The following USP54 variants were observed in gnomAD, a reference collection of about 807,000 sequenced individuals.
The protein encoded by USP54 is ubiquitin specific peptidase 54.
Under a neutral mutation model 170.5 loss-of-function variants are expected in USP54, and 87 were observed. The observed-to-expected ratio is 0.51, with a 90% CI of 0.43 to 0.61. USP54 has a LOEUF of 0.61. USP54 is among the 20% of genes least tolerant of loss of function. The pLI is 0.00. For synonymous variants in USP54, 655 were observed against 742.8 expected, an observed-to-expected ratio of 0.88 and a Z score of 1.92; for missense variants, 1,786 against 2,047.8, an observed-to-expected ratio of 0.87 and a Z score of 2.47.
chr10:73,570,550 CTTTT>C (rs554652532), intron 4 of USP54, among the ~76,000 whole-genome samples: 4 of 132,254 alleles, frequency 3.0e-5, no homozygotes, highest in Non-Finnish European at 6.5e-5. Flanking sequence ...TTTCCTTTTT[CTTTT>C]TTTTTTTTTT....
At chr10:73,603,451 A>T (rs2079360388) in intron 1 of USP54, among the ~76,000 whole-genome samples, 1 of 152,232 alleles carries the variant, frequency 6.6e-6, no homozygotes, top group South Asian at 2.1e-4. Flanking sequence ...GCAGTGGCTC[A>T]CATCTGTAAT....
rs770755452 is a variant in USP54, at chr10:73,620,482, CT to C, written c.-18+5084del. On this transcript the variant is annotated intron_variant, in intron 1 of 22. Transcript: ENST00000339859. ...ATTCTCACTTAGGTTTCTGGGGATT[CT>C]TTTTTTTTTTTTTTTTCTCAGTAGA... is the stretch of plus-strand genomic sequence containing the variant. Among the ~76,000 whole-genome samples, 538 of 126,126 alleles carry C rather than the reference CT, an allele frequency of 4.3e-3. 14 individuals carry two copies. Among genetic ancestry groups the C allele is most frequent in the African/African-American group, 7.6e-3 (243 of 31,784 alleles). 82.7% of individuals were successfully genotyped at this position (126,126 alleles called of 152,430 possible).
At chr10:73,565,282 C>T (rs1332570364) in intron 4 of USP54, among the ~76,000 whole-genome samples, 2 of 151,888 alleles carry the variant, frequency 1.3e-5, no homozygotes, top group Non-Finnish European at 2.9e-5. Context: ...TTTTGGAAGC[C>T]GAAGTGAAAG....
At chr10:73,581,316 A>G (rs2076879021) in intron 1 of USP54, among the ~76,000 whole-genome samples, 1 of 152,226 alleles carries the variant, frequency 6.6e-6, no homozygotes, top group African/African-American at 2.4e-5. Flanking sequence ...TCCTTGTGTA[A>G]CACAGTTACT....
At chr10:73,516,293 G>C in intron 20 of USP54, 82 bp downstream of exon 20, 1 of 1,435,656 alleles carries the variant, frequency 7.0e-7, no homozygotes, top group Non-Finnish European at 9.5e-7. Context: ...TATCTGTATA[G>C]AACACTCCCT....
intron 5 of USP54, among the ~76,000 whole-genome samples, chr10:73,544,639 C>T (rs1021080651): frequency 1.3e-5 from 2 of 152,158 alleles, no homozygotes; most frequent in African/African-American, 4.8e-5. Flanking sequence ...TGATCCAGTT[C>T]CTCAGGAGCA....
intron 1 of USP54, among the ~76,000 whole-genome samples, chr10:73,620,967 C>A (rs1404052892): frequency 6.7e-6 from 1 of 149,608 alleles, no homozygotes; most frequent in Admixed American, 6.6e-5. Context: ...ACCACCCTGG[C>A]CAACATGGCG....
intron 21 of USP54, 74 bp from the exon 22 acceptor site, chr10:73,505,064 G>A: frequency 6.3e-7 from 1 of 1,597,634 alleles, no homozygotes; most frequent in Non-Finnish European, 8.6e-7. Flanking sequence ...AGTATCCTCA[G>A]GGTATGGGAA....
rs920180252 is a variant in USP54 at position 73,543,126 on chromosome 10, G to T, written c.381C>A (p.Asn127Lys). The change falls in exon 6 of 24, where the codon AAC becomes AAA. Residue 127 changes from asparagine (N) to lysine (K), a missense_variant. Physicochemically the swap from Asn to Lys is moderately conservative, Grantham distance 94. Coordinates refer to ENST00000687698, the MANE Select transcript of USP54 (RefSeq NM_001391956.1). ...TGTGGAAGTGAATTCTCATCAGGAG[G>T]TTTTCCTGACAGGGAAAGAACAAAA... Reference protein sequence around the residue: ...IMDDAAECFENLLMRIHFHIA... With the variant: ...IMDDAAECFEKLLMRIHFHIA... 9 of 1,610,378 alleles carry T rather than the reference G, an allele frequency of 5.6e-6. No homozygotes were observed. In the African/African-American group the frequency reaches 8.0e-5, roughly 14 times the overall value.
At chr10:73,508,280 G>A (rs2059547364) in intron 20 of USP54, among the ~76,000 whole-genome samples, 2 of 151,886 alleles carry the variant, frequency 1.3e-5, no homozygotes, top group Admixed American at 6.6e-5. Context: ...GGTGGTGTGC[G>A]CCTGTAGTCC....
intron 1 of USP54, among the ~76,000 whole-genome samples, chr10:73,625,224 T>C (rs11000723): frequency 0.21 from 22,519 of 105,314 alleles, 2,331 homozygotes; most frequent in African/African-American, 0.41. Flanking sequence ...CCCGCCCCCC[T>C]ACCCTGCGCT....
At chr10:73,607,333 A>T (rs1300155971) in intron 1 of USP54, among the ~76,000 whole-genome samples, 16 of 79,170 alleles carry the variant, frequency 2.0e-4, no homozygotes, top group Non-Finnish European at 3.0e-4. Flanking sequence ...AAAAAAAAAA[A>T]AAAGAAAAAA....
chr10:73,506,000 G>A (rs1004314267), intron 20 of USP54: 3 of 152,254 alleles, frequency 2.0e-5, no homozygotes, highest in African/African-American at 7.2e-5. Flanking sequence ...ACAGAGGAAA[G>A]TATCTAACAC....
intron 4 of USP54, among the ~76,000 whole-genome samples, chr10:73,556,538 G>T (rs1310397941): frequency 6.6e-6 from 1 of 151,740 alleles, no homozygotes; most frequent in Non-Finnish European, 1.5e-5. Context: ...TAGAGACAGG[G>T]TTTCACCATC....
chr10:73,585,756 C>A (rs1388456246), intron 1 of USP54, among the ~76,000 whole-genome samples: 1 of 152,212 alleles, frequency 6.6e-6, no homozygotes, highest in African/African-American at 2.4e-5. Flanking sequence ...GGCACAGTGG[C>A]TCACACCTGT....
intron 4 of USP54, among the ~76,000 whole-genome samples, chr10:73,563,356 C>T (rs1036043422): frequency 2.6e-4 from 40 of 152,102 alleles, no homozygotes; most frequent in African/African-American, 9.7e-4. Context: ...TTCATATGCT[C>T]AGGGGTTATT....
At chr10:73,592,867 C>T (rs900472662), upstream of USP54, among the ~76,000 whole-genome samples, 14 of 152,166 alleles carry the variant, frequency 9.2e-5, no homozygotes, top group African/African-American at 3.1e-4. Context: ...AAAACACCTC[C>T]CATAAAACTC....
In USP54 at chr10:73,575,513, T is replaced by TG; in HGVS notation, c.145dup (p.Gln49ProfsTer12). 3.1e-6 allele frequency: 5 copies of TG among 1,602,450 alleles called. No homozygotes were observed. The highest frequency in any genetic ancestry group is 3.4e-6 in the Non-Finnish European group (4 of 1,176,336). ...CAAAAATAAAGAAATGACCCTTACC[T>TG]GCAGGGCACTGTTGAGGAAGCAGCT... is the stretch of plus-strand genomic sequence containing the variant. On this transcript the variant is annotated frameshift_variant and splice_region_variant, in exon 3 of 24. Transcript: ENST00000687698. LOFTEE classifies it high-confidence loss of function.
intron 4 of USP54, among the ~76,000 whole-genome samples, chr10:73,569,752 C>CCA (rs2074645720): frequency 1.0e-5 from 1 of 95,880 alleles, no homozygotes; most frequent in Non-Finnish European, 2.2e-5. Context: ...AAATCCGTCT[C>CCA]AAAAAAAAAA....
Sources: gnomAD v4.1 joint callset for allele counts (sites outside exome capture counted in the v4.1 genomes callset) on GRCh38, gnomAD v4.1.1 for gene constraint, MANE v1.5 for transcripts, NCBI Gene and HGNC (gene_info 2026-07-23, HGNC 2026-07-21) for gene names.